The following MTMR10 variants were observed in gnomAD, a reference collection of about 807,000 sequenced individuals.
MTMR10 encodes myotubularin related protein 10.
Under a neutral mutation model 88.1 loss-of-function variants are expected in MTMR10, and 56 were observed. That is an observed-to-expected ratio of 0.64 (90% CI 0.51 to 0.79). The LOEUF (loss-of-function observed/expected upper bound fraction) is 0.79, where lower values mean the gene tolerates loss of function less well. Among genes scored for constraint, MTMR10 ranks in the 30% least tolerant of loss-of-function variants. The probability of loss-of-function intolerance (pLI) is 0.00; values close to 1 mark genes in which losing one functional copy is unlikely to be tolerated. For missense variants in MTMR10, 883 were observed against 924.7 expected (o/e 0.95, Z 0.58); for synonymous variants, 380 against 340.9 (o/e 1.11, Z -1.26).
At chr15:30,927,311 C>T in the MTMR10 span, 1 of 985,522 alleles carries the variant, frequency 1.0e-6, no homozygotes, top group South Asian at 4.7e-5. Context: ...AAATCAGGTC[C>T]TAGCTCCACT....
chr15:30,953,998 C>A (rs1214565264), intron 10 of MTMR10, among the ~76,000 whole-genome samples: 1 of 152,230 alleles, frequency 6.6e-6, no homozygotes, highest in Admixed American at 6.5e-5. Flanking sequence ...TTTCTCACTG[C>A]AAGCCTTGCC....
chr15:30,941,640 C>T lies in MTMR10; in HGVS notation c.2164G>A (p.Gly722Ser), dbSNP rs750116545. Residue 722 changes from glycine (G) to serine (S), a missense_variant, in exon 16 of 16, where the codon GGC (glycine) becomes AGC (serine). Gly to Ser is a moderately conservative substitution (Grantham distance 56). Coordinates refer to ENST00000435680, the MANE Select transcript of MTMR10 (RefSeq NM_017762.3). ...CCCGAGGTGTCGGTGTGGTGAGGGC[C>T]GCTGGCGTTGAAGTACATCCTGCTC... is the stretch of plus-strand genomic sequence containing the variant. ...GQSRMYFNAS[G>S]PHHTDTSGTP... The T allele has an allele frequency of 6.5e-5, 105 of 1,608,938 alleles. No individual in the cohort carries two copies. The highest frequency in any genetic ancestry group is 1.5e-4 in the South Asian group (14 of 90,378).
rs1252265159 is a variant in MTMR10, at chr15:30,939,016, ATCT to A, written c.*2451_*2453del. 1.7e-5 allele frequency: 17 copies of A among 985,318 alleles called. No individual in the cohort carries two copies. In the African/African-American group the frequency reaches 2.4e-4, roughly 14 times the overall value. 61.0% of individuals were successfully genotyped at this position (985,318 alleles called of 1,614,324 possible). A position where few individuals can be genotyped will look rare whatever the true frequency, so the allele number is the denominator to read the frequency against. On this transcript the variant is annotated 3_prime_UTR_variant, in exon 16 of 16. Coordinates refer to ENST00000435680, the MANE Select transcript of MTMR10 (RefSeq NM_017762.3). Reference sequence around the variant, plus strand: ...ATACTGTTGAACAACAAGATAACACATCTTCTTGCTCATCCCACTTGAACTCAA... The same window carrying A: ...ATACTGTTGAACAACAAGATAACACATCTTGCTCATCCCACTTGAACTCAA...
chr15:30,977,289 T>A (rs565886707), intron 2 of MTMR10, among the ~76,000 whole-genome samples: 1 of 152,326 alleles, frequency 6.6e-6, no homozygotes, highest in East Asian at 1.9e-4. Flanking sequence ...CTACACCTGC[T>A]CCTTCAGAGT....
At chr15:30,975,040 C>G in intron 3 of MTMR10, 37 bp from the exon 4 acceptor site, 1 of 1,397,754 alleles carries the variant, frequency 7.2e-7, no homozygotes, top group Non-Finnish European at 9.9e-7. Flanking sequence ...AATTCTTTTC[C>G]CAATAATCTC....
chr15:30,954,443 C>T (rs1595918450), intron 10 of MTMR10, among the ~76,000 whole-genome samples: 2 of 152,294 alleles, frequency 1.3e-5, no homozygotes, highest in Admixed American at 1.3e-4. Flanking sequence ...GTATGTATTA[C>T]AATCTTAATA....
chr15:30,966,491 G>C (rs990402350), intron 6 of MTMR10, among the ~76,000 whole-genome samples: 1 of 152,104 alleles, frequency 6.6e-6, no homozygotes, highest in Admixed American at 6.6e-5. Context: ...ATGAAGAACT[G>C]GTCTGTATCA....
chr15:30,971,875 G>A (rs191202267), intron 5 of MTMR10, among the ~76,000 whole-genome samples: 3 of 152,158 alleles, frequency 2.0e-5, no homozygotes, highest in African/African-American at 7.2e-5. Context: ...ACAGCTCGAG[G>A]ATAATGAGGA....
intron 15 of MTMR10, 184 bp downstream of exon 15, chr15:30,942,706 G>A (rs2063094713): frequency 6.8e-6 from 4 of 587,698 alleles, no homozygotes; most frequent in Non-Finnish European, 1.1e-5. Flanking sequence ...AGACTTTGTG[G>A]GCCTCAGACA....
intron 6 of MTMR10, among the ~76,000 whole-genome samples, chr15:30,964,665 C>T (rs1335373958): frequency 1.3e-5 from 2 of 152,192 alleles, no homozygotes; most frequent in Non-Finnish European, 1.5e-5. Flanking sequence ...ATGAGTGGAT[C>T]GCTATGAGGG....
downstream of MTMR10, among the ~76,000 whole-genome samples, chr15:30,936,903 T>C (rs1480987973): frequency 6.6e-6 from 1 of 152,206 alleles, no homozygotes; most frequent in Non-Finnish European, 1.5e-5. Flanking sequence ...ATGGTTTCTG[T>C]TGAATGTATA....
At chr15:30,986,667 T>G (rs1261310975) in intron 2 of MTMR10, among the ~76,000 whole-genome samples, 2 of 152,200 alleles carry the variant, frequency 1.3e-5, no homozygotes, top group Non-Finnish European at 2.9e-5. Flanking sequence ...GCACTTTTCT[T>G]AATTTTCTCA....
chr15:30,935,481 A>C, downstream of MTMR10, among the ~76,000 whole-genome samples: 1 of 152,150 alleles, frequency 6.6e-6, no homozygotes, highest in Admixed American at 6.5e-5. Flanking sequence ...ACAATAAACA[A>C]ATCAAATAAA....
rs1234482586 is a variant in MTMR10, at chr15:30,943,395, T to G, written c.1549-323A>C. Reference sequence around the variant, plus strand: ...ACTAGAAAGTCTTAAACATGTTGAATTTATTTCTATAATTACAGTATTTTA... The same window carrying G: ...ACTAGAAAGTCTTAAACATGTTGAAGTTATTTCTATAATTACAGTATTTTA... On this transcript the variant is annotated intron_variant, in intron 14 of 15. Transcript: ENST00000435680. 4.1e-6 allele frequency: 4 copies of G among 984,656 alleles called. No individual in the cohort carries two copies. In the South Asian group the frequency reaches 1.9e-4, roughly 46 times the overall value. The allele number at this position is 984,656 out of a possible 1,614,324, so 61.0% of individuals were successfully genotyped here. A position where few individuals can be genotyped will look rare whatever the true frequency, so the allele number is the denominator to read the frequency against.
At chr15:30,968,115 T>C (rs2063493397) in intron 5 of MTMR10, 105 bp from the exon 6 acceptor site, 1 of 751,270 alleles carries the variant, frequency 1.3e-6, no homozygotes, top group Non-Finnish European at 2.1e-6. Context: ...GCAGTGATTA[T>C]AGATACTATT....
chr15:30,963,816 C>G (rs969178665), intron 6 of MTMR10, among the ~76,000 whole-genome samples: 1 of 152,154 alleles, frequency 6.6e-6, no homozygotes, highest in Non-Finnish European at 1.5e-5. Flanking sequence ...CTCTCCAGAA[C>G]ACAAAACCTG....
intron 6 of MTMR10, among the ~76,000 whole-genome samples, chr15:30,961,450 A>G (rs994847805): frequency 1.1e-4 from 17 of 152,190 alleles, no homozygotes; most frequent in African/African-American, 4.1e-4. Flanking sequence ...CATGTTGGCT[A>G]GGCTGCTCTT....
intron 2 of MTMR10, among the ~76,000 whole-genome samples, chr15:30,986,634 A>T (rs1004988517): frequency 6.6e-6 from 1 of 152,122 alleles, no homozygotes; most frequent in South Asian, 2.1e-4. Context: ...AATCAAATAA[A>T]TTTATCTTTA....
chr15:30,929,708 C>CATATAATATATATGAA, the MTMR10 span, among the ~76,000 whole-genome samples: 1 of 76,516 alleles, frequency 1.3e-5, no homozygotes, highest in Non-Finnish European at 2.3e-5. Flanking sequence ...TATATTATAT[C>CATATAATATATATGAA]ATATATAATA....
Sources: gnomAD v4.1 joint callset for allele counts (sites outside exome capture counted in the v4.1 genomes callset) on GRCh38, gnomAD v4.1.1 for gene constraint, MANE v1.5 for transcripts, NCBI Gene and HGNC (gene_info 2026-07-23, HGNC 2026-07-21) for gene names.